The following ACSL6 variants were observed in gnomAD, a reference collection of about 807,000 sequenced individuals.
The protein encoded by ACSL6 is long-chain-fatty-acid--CoA ligase 6.
In ACSL6, 47 loss-of-function variants were observed where a neutral mutation model predicts 98.2. The observed-to-expected ratio is 0.48, with a 90% CI of 0.38 to 0.61. ACSL6 has a LOEUF of 0.61. ACSL6 is among the 20% of genes least tolerant of loss of function. The pLI is 0.00. For synonymous variants in ACSL6, 362 were observed against 336.9 expected (o/e 1.07, Z -0.82); for missense variants, 761 against 913.4 (o/e 0.83, Z 2.15).
chr5:131,981,322 T>TAAAAAA (rs56950797), intron 9 of ACSL6, among the ~76,000 whole-genome samples: 4 of 95,274 alleles, frequency 4.2e-5, no homozygotes, highest in African/African-American at 8.2e-5. Context: ...AGTCAACTAT[T>TAAAAAA]AAAAAAAAAA....
intron 1 of ACSL6, among the ~76,000 whole-genome samples, chr5:131,999,188 G>A (rs1451898068): frequency 6.6e-6 from 1 of 152,100 alleles, no homozygotes; most frequent in African/African-American, 2.4e-5. Flanking sequence ...AACTGACCTG[G>A]GTCCAAATCA....
chr5:131,986,937 T>TCA, intron 7 of ACSL6, 83 bp from the exon 8 acceptor site: 3 of 1,444,108 alleles, frequency 2.1e-6, no homozygotes, highest in African/African-American at 1.4e-5. Flanking sequence ...TCTCTTTCTC[T>TCA]CACACACGCA....
At chr5:131,970,244 C>T (rs1055295567) in intron 14 of ACSL6, 44 bp from the exon 15 acceptor site, 1 of 1,584,508 alleles carries the variant, frequency 6.3e-7, no homozygotes, top group East Asian at 2.2e-5. Context: ...ACACACCCTC[C>T]AAGAGCTAAC....
intron 20 of ACSL6, among the ~76,000 whole-genome samples, chr5:131,956,877 TG>T (rs1427427702): frequency 2.0e-5 from 3 of 152,208 alleles, no homozygotes; most frequent in Non-Finnish European, 4.4e-5. Context: ...GCAAAGTTTT[TG>T]TTGGGAAAAG....
At chr5:131,975,319 C>G in intron 10 of ACSL6, 1 of 985,426 alleles carries the variant, frequency 1.0e-6, no homozygotes, top group Non-Finnish European at 1.2e-6. Flanking sequence ...GAAGTCTCCT[C>G]TCTGAGGGCC....
At chr5:131,993,868 G>T in intron 2 of ACSL6, 163 bp downstream of exon 2, 1 of 684,648 alleles carries the variant, frequency 1.5e-6, no homozygotes. Context: ...CCTGGTAGGA[G>T]ACCCTGCCCA....
Position 131,990,205 on chromosome 5 carries a change from G to A in ACSL6, c.386-41C>T, listed in dbSNP as rs1189248428. On this transcript the variant is annotated intron_variant, in intron 3 of 20. Transcript: ENST00000651883. ...AAAGCCTTGTGTCAGAGAGGGGTCA[G>A]AGTGGGTGTGCCACCTGCATCCGCC... 7 of 1,602,296 alleles carry A rather than the reference G, an allele frequency of 4.4e-6. No individual in the cohort carries two copies. The Admixed American group carries it at 1.2e-4, about 27-fold the overall frequency.
At chr5:131,984,831 C>G (rs1201402340) in intron 9 of ACSL6, 1 of 161,596 alleles carries the variant, frequency 6.2e-6, no homozygotes, top group African/African-American at 2.4e-5. Context: ...CATGGCACAC[C>G]AGCCCCAGCC....
rs1753967489 is a variant in ACSL6, at chr5:131,982,659, G to A, written c.916+2748C>T. Reference sequence around the variant, plus strand: ...CTTTTCCTCTCAAAACTCCCTCAAAGCAGCGTGTTCTGTGCTACCATCAGG... The same window carrying A: ...CTTTTCCTCTCAAAACTCCCTCAAAACAGCGTGTTCTGTGCTACCATCAGG... On this transcript the variant is annotated intron_variant, in intron 9 of 20. Coordinates refer to ENST00000651883, the MANE Select transcript of ACSL6 (RefSeq NM_001009185.3). The A allele has an allele frequency of 2.0e-5, 3 of 152,394 alleles. No homozygotes were observed. In the South Asian group the frequency reaches 6.2e-4, roughly 32 times the overall value. 9.4% of individuals were successfully genotyped at this position (152,394 alleles called of 1,614,324 possible).
At chr5:132,000,838 G>A (rs17132291) in intron 1 of ACSL6, among the ~76,000 whole-genome samples, 1,918 of 152,262 alleles carry the variant, frequency 0.013, 40 homozygotes, top group African/African-American at 0.044. Context: ...AGTGCTCTGA[G>A]CTCCCTCTTG....
chr5:132,004,102 C>T (rs1376341674), intron 1 of ACSL6, among the ~76,000 whole-genome samples: 1 of 152,142 alleles, frequency 6.6e-6, no homozygotes, highest in South Asian at 2.1e-4. Context: ...GCCACAAGTG[C>T]CCTCGAGTGG....
chr5:131,971,593 G>A lies in ACSL6; in HGVS notation c.1391C>T (p.Ser464Leu), dbSNP rs1406225138. 13 of 1,612,134 alleles carry A rather than the reference G, an allele frequency of 8.1e-6. No individual in the cohort carries two copies. The highest frequency in any genetic ancestry group is 1.0e-5 in the Non-Finnish European group (12 of 1,179,038). Residue 464 changes from serine to leucine, a missense_variant, in exon 14 of 21, where the codon TCA (serine) becomes TTA (leucine). Physicochemically the swap from Ser to Leu is moderately radical, Grantham distance 145 (BLOSUM62 -2). Transcript: ENST00000651883. Reference protein sequence around the residue: ...RMIVTGAAPASPTVLGFLRAA... With the variant: ...RMIVTGAAPALPTVLGFLRAA... ...CCGGAGAAATCCCAGAACTGTTGGT[G>A]ATGCTGGGGCTGCTCCAGTAACAAT...
chr5:131,972,769 G>A lies in ACSL6; in HGVS notation c.1293C>T (p.Ile431=). The A allele has an allele frequency of 6.2e-7, 1 of 1,614,190 alleles. No individual in the cohort carries two copies. Among genetic ancestry groups the A allele is most frequent in the Non-Finnish European group, 8.5e-7 (1 of 1,180,034 alleles). The change falls in exon 13 of 21, where the codon ATC becomes ATT. Residue 431 remains isoleucine, a synonymous_variant. Transcript: ENST00000651883. ...RKQAEVRSGI[I]RNDSIWDELF... ...GTTCATCCCAGATACTATCATTCCT[G>A]ATGATTCCACTCCGGACCTCGGCTT...
upstream of ACSL6, chr5:132,012,030 G>A: frequency 7.2e-7 from 1 of 1,392,278 alleles, no homozygotes; most frequent in African/African-American, 1.5e-5. Flanking sequence ...GCCCCCGCGC[G>A]ACTCGCAGCC....
At chr5:131,988,392 G>A (rs1260408634) in intron 6 of ACSL6, among the ~76,000 whole-genome samples, 166 bp from the exon 7 acceptor site, 3 of 152,202 alleles carry the variant, frequency 2.0e-5, no homozygotes, top group East Asian at 1.9e-4. Context: ...GGAATTTGCC[G>A]TGGGTCCTGG....
chr5:132,011,520 G>A lies in ACSL6; in HGVS notation c.34C>T (p.Leu12Phe), dbSNP rs757035239. 2 of 1,607,404 alleles carry A rather than the reference G, an allele frequency of 1.2e-6. No homozygotes were observed. Among genetic ancestry groups the A allele is most frequent in the South Asian group, 1.1e-5 (1 of 90,912 alleles). Residue 12 changes from leucine (L) to phenylalanine (F), a missense_variant, in exon 1 of 21, where the codon CTC becomes TTC. Coordinates refer to ENST00000651883, the MANE Select transcript of ACSL6 (RefSeq NM_001009185.3). The surrounding 1 kb of genome is among the most constrained non-coding windows in gnomAD (Gnocchi z 5.4). ...GGGCACTTACCTACGAATAGCCAGA[G>A]GGAGCCCCCCGACACGAGGAAGAAG... ...LTFFLVSGGS[L>F]WLFVEFVLSL...
rs1020362458 is a variant in ACSL6, at chr5:132,011,630, C to G, written c.-77G>C. 2.4e-6 allele frequency: 3 copies of G among 1,268,836 alleles called. No homozygotes were observed. The highest frequency in any genetic ancestry group is 3.0e-6 in the Non-Finnish European group (3 of 1,005,436). The allele number at this position is 1,268,836 out of a possible 1,614,324, so 78.6% of individuals were successfully genotyped here. A position where few individuals can be genotyped will look rare whatever the true frequency, so the allele number is the denominator to read the frequency against. On this transcript the variant is annotated 5_prime_UTR_variant, in exon 1 of 21. Transcript: ENST00000651883. The surrounding 1 kb of genome is among the most constrained non-coding windows in gnomAD (Gnocchi z 5.4). ...CCCGCAGCCCCGCAGCCCAGCAGCC[C>G]CAGCAGTAGCCGCGCCGCCGCCGCC...
At chr5:131,968,912 A>G (rs146356498) in intron 15 of ACSL6, among the ~76,000 whole-genome samples, 1 of 152,336 alleles carries the variant, frequency 6.6e-6, no homozygotes, top group East Asian at 1.9e-4. Flanking sequence ...TTATGCTAAG[A>G]GTGAACTGAA....
intron 1 of ACSL6, among the ~76,000 whole-genome samples, chr5:131,996,384 A>G (rs1408501262): frequency 6.6e-6 from 1 of 152,242 alleles, no homozygotes; most frequent in African/African-American, 2.4e-5. Context: ...AGATGGGAAG[A>G]TGAAATCACA....
Sources: allele counts gnomAD v4.1 joint callset (sites outside exome capture counted in the v4.1 genomes callset), GRCh38; gene constraint gnomAD v4.1.1; non-coding constraint Gnocchi (gnomAD v3.1); transcripts MANE v1.5; gene names NCBI Gene and HGNC (gene_info 2026-07-23, HGNC 2026-07-21).